GSE1: variants seen among roughly 807,000 people sequenced by gnomAD.
The protein encoded by GSE1 is Gse1 coiled-coil protein.
In GSE1, 32 loss-of-function variants were observed where a neutral mutation model predicts 112.6. That is an observed-to-expected ratio of 0.28 (90% CI 0.21 to 0.38). The LOEUF is 0.38. Ranked by LOEUF, GSE1 falls within the 10% of genes least tolerant of loss-of-function variation. The pLI, the probability that GSE1 is intolerant of heterozygous loss-of-function variation, is 1.00. For synonymous variants in GSE1, 1,115 were observed against 735.6 expected, an observed-to-expected ratio of 1.52 and a Z score of -8.35; for missense variants, 2,348 against 1,699.2, an observed-to-expected ratio of 1.38 and a Z score of -6.71.
intron 1 of GSE1, among the ~76,000 whole-genome samples, chr16:85,254,841 G>T (rs1039165435): frequency 6.6e-6 from 1 of 152,338 alleles, no homozygotes; most frequent in East Asian, 1.9e-4. Context: ...TGCTATGCCC[G>T]TTTCACACCT....
At chr16:85,310,780 T>TC (rs561461500) in intron 1 of GSE1, among the ~76,000 whole-genome samples, 519 of 144,422 alleles carry the variant, frequency 3.6e-3, no homozygotes, top group South Asian at 0.012. Flanking sequence ...CTGGCCTGCG[T>TC]CCCCCCCCCA....
At chr16:85,241,208 T>G (rs866006480) in intron 1 of GSE1, among the ~76,000 whole-genome samples, 3 of 152,094 alleles carry the variant, frequency 2.0e-5, no homozygotes, top group African/African-American at 7.2e-5. Flanking sequence ...CTTGGGCTCG[T>G]TGCTTCTCCT....
At chr16:85,259,038 A>C (rs554607828) in intron 1 of GSE1, among the ~76,000 whole-genome samples, 1 of 152,180 alleles carries the variant, frequency 6.6e-6, no homozygotes, top group South Asian at 2.1e-4. Context: ...AGTTCCCCAG[A>C]GGCCCCTCTT....
intron 2 of GSE1, among the ~76,000 whole-genome samples, chr16:85,640,631 C>A (rs1308285636): frequency 6.6e-6 from 1 of 152,242 alleles, no homozygotes; most frequent in African/African-American, 2.4e-5. Flanking sequence ...ACCACAGACC[C>A]ATCCTCATGA....
chr16:85,198,336 C>G (rs1392459126), intron 1 of GSE1, among the ~76,000 whole-genome samples: 2 of 152,222 alleles, frequency 1.3e-5, no homozygotes, highest in Non-Finnish European at 2.9e-5. Flanking sequence ...GAGCAGCTGG[C>G]AAAGTACACT....
At chr16:85,586,002 G>A (rs1440738926) in intron 1 of GSE1, among the ~76,000 whole-genome samples, 2 of 152,194 alleles carry the variant, frequency 1.3e-5, no homozygotes, top group Non-Finnish European at 2.9e-5. Context: ...CTTGGTGGGA[G>A]GTGCAGGTTC....
At chr16:85,174,020 G>C (rs1038283886) in intron 1 of GSE1, among the ~76,000 whole-genome samples, 2 of 152,150 alleles carry the variant, frequency 1.3e-5, no homozygotes, top group Non-Finnish European at 2.9e-5. Flanking sequence ...TATCTGAGGT[G>C]GGTTTTGAAC....
intron 2 of GSE1, among the ~76,000 whole-genome samples, chr16:85,523,823 T>C (rs866996002): frequency 2.0e-5 from 3 of 152,354 alleles, no homozygotes; most frequent in Middle Eastern, 6.8e-3. Flanking sequence ...AGCGGTCTGG[T>C]TCAGAGCCAG....
intron 1 of GSE1, among the ~76,000 whole-genome samples, chr16:85,572,659 A>G (rs2046058337): frequency 6.6e-6 from 1 of 152,186 alleles, no homozygotes; most frequent in African/African-American, 2.4e-5. Flanking sequence ...CTTAGAACCC[A>G]GCAGGGGCTG....
At chr16:85,527,549 C>T (rs1431851593) in intron 2 of GSE1, among the ~76,000 whole-genome samples, 1 of 152,270 alleles carries the variant, frequency 6.6e-6, no homozygotes, top group African/African-American at 2.4e-5. Context: ...GCTGGGGAGG[C>T]GGTTACTTCC....
chr16:85,215,964 C>T (rs979010221), intron 1 of GSE1, among the ~76,000 whole-genome samples: 2 of 152,148 alleles, frequency 1.3e-5, no homozygotes. Context: ...GTGAGCAGAG[C>T]CCTTGGAGGG....
chr16:85,261,865 T>G (rs905200632), intron 1 of GSE1, among the ~76,000 whole-genome samples: 3 of 152,194 alleles, frequency 2.0e-5, no homozygotes, highest in African/African-American at 7.2e-5. Flanking sequence ...TCAGCACCTG[T>G]GATTTGGTGC....
intron 2 of GSE1, among the ~76,000 whole-genome samples, chr16:85,546,841 G>C (rs970955980): frequency 6.6e-6 from 1 of 152,230 alleles, no homozygotes; most frequent in African/African-American, 2.4e-5. Flanking sequence ...GCCCTGTGGG[G>C]CCTGAAGGTG....
intron 2 of GSE1, among the ~76,000 whole-genome samples, chr16:85,637,687 T>C (rs7190731): frequency 0.6 from 90,821 of 151,898 alleles, 27,467 homozygotes; most frequent in Middle Eastern, 0.7. Flanking sequence ...GGAATTCCAA[T>C]CCCCAGCTTG....
At chr16:85,483,417 C>T (rs1252166394) in intron 2 of GSE1, among the ~76,000 whole-genome samples, 1 of 152,250 alleles carries the variant, frequency 6.6e-6, no homozygotes, top group Non-Finnish European at 1.5e-5. Context: ...GCCTCAGTTT[C>T]CCCACCTGTA....
At chr16:85,565,033 G>A (rs2045680019) in intron 1 of GSE1, among the ~76,000 whole-genome samples, 1 of 152,132 alleles carries the variant, frequency 6.6e-6, no homozygotes, top group South Asian at 2.1e-4. Flanking sequence ...GGTCTTGAAT[G>A]TCATCAAGCC....
chr16:85,524,038 C>G (rs879255739), intron 2 of GSE1, among the ~76,000 whole-genome samples: 1 of 152,182 alleles, frequency 6.6e-6, no homozygotes, highest in Non-Finnish European at 1.5e-5. Context: ...CCCTGTCTCC[C>G]GGGTGGTGGG....
chr16:85,323,766 G>A (rs978498758), intron 1 of GSE1, among the ~76,000 whole-genome samples: 4 of 152,202 alleles, frequency 2.6e-5, no homozygotes, highest in African/African-American at 7.2e-5. Context: ...TGACTTCCAC[G>A]CTCCCCCATT....
chr16:85,613,032 G>C, upstream of GSE1: 1 of 340,024 alleles, frequency 2.9e-6, no homozygotes, highest in Non-Finnish European at 5.2e-6. Flanking sequence ...TGGTGTCCCC[G>C]GCTCACCTGG....
Sources: gnomAD v4.1 joint callset for allele counts (sites outside exome capture counted in the v4.1 genomes callset) on GRCh38, gnomAD v4.1.1 for gene constraint, MANE v1.5 for transcripts, NCBI Gene and HGNC (gene_info 2026-07-23, HGNC 2026-07-21) for gene names.